Variants in LRRC7 observed in about 807,000 individuals in gnomAD.
LRRC7 encodes the protein leucine rich repeat containing 7, also known as leucine-rich repeat-containing protein 7.
In LRRC7, 23 loss-of-function variants were observed where a neutral mutation model predicts 175.7. The ratio of observed to expected loss-of-function variants is 0.13; its 90% confidence interval spans 0.09 to 0.19. LRRC7 has a LOEUF of 0.19. LRRC7 is among the 10% of genes least tolerant of loss of function. The probability of loss-of-function intolerance (pLI) is 1.00; values close to 1 mark genes in which losing one functional copy is unlikely to be tolerated. For missense variants in LRRC7, 1,354 were observed against 1,904.7 expected, an observed-to-expected ratio of 0.71 and a Z score of 5.38; for synonymous variants, 685 against 680.9, an observed-to-expected ratio of 1.01 and a Z score of -0.09.
In LRRC7 at chr1:70,122,044, G is replaced by T; in HGVS notation, c.*157G>T. The T allele has an allele frequency of 1.9e-6, 1 of 527,956 alleles. No homozygotes were observed. 32.7% of individuals were successfully genotyped at this position (527,956 alleles called of 1,614,324 possible). ...TTAGCACTGACCATCCTTAAAAAATGTTAACTCTATAAATATGATGTTCAT... is the reference window on the plus strand; with the variant it reads ...TTAGCACTGACCATCCTTAAAAAATTTTAACTCTATAAATATGATGTTCAT... On this transcript the variant is annotated 3_prime_UTR_variant, in exon 27 of 27. Transcript: ENST00000651989.
chr1:69,920,956 C>G (rs1646872045), intron 7 of LRRC7, among the ~76,000 whole-genome samples: 1 of 152,142 alleles, frequency 6.6e-6, no homozygotes, highest in South Asian at 2.1e-4. Context: ...CTCATGGGCC[C>G]CAACTATTCC....
At chr1:69,669,763 T>TTCTTTTG (rs1658794946) in intron 1 of LRRC7, among the ~76,000 whole-genome samples, 2 of 152,146 alleles carry the variant, frequency 1.3e-5, no homozygotes, top group Non-Finnish European at 2.9e-5. Flanking sequence ...TTATTCTTCT[T>TTCTTTTG]TCTTTTGTCT....
intron 7 of LRRC7, among the ~76,000 whole-genome samples, chr1:69,848,406 C>T (rs1430158932): frequency 6.6e-6 from 1 of 152,028 alleles, no homozygotes; most frequent in African/African-American, 2.4e-5. Context: ...TCACCAGGCT[C>T]TCTTCTATGA....
At chr1:70,013,446 AT>A (rs1656697681) in intron 13 of LRRC7, among the ~76,000 whole-genome samples, 1 of 151,900 alleles carries the variant, frequency 6.6e-6, no homozygotes, top group South Asian at 2.1e-4. Context: ...CTATGTATGT[AT>A]GTATGCACAC....
chr1:69,783,169 C>T (rs925900295), intron 3 of LRRC7, among the ~76,000 whole-genome samples: 3 of 152,184 alleles, frequency 2.0e-5, no homozygotes, highest in African/African-American at 7.2e-5. Flanking sequence ...ACCTTCCAAT[C>T]TTCCCTACCT....
intron 8 of LRRC7, among the ~76,000 whole-genome samples, chr1:69,971,970 A>T (rs1276987322): frequency 6.6e-6 from 1 of 152,196 alleles, no homozygotes; most frequent in African/African-American, 2.4e-5. Flanking sequence ...ATAAACCCTC[A>T]TACTTACAGC....
chr1:69,705,911 A>G (rs151175010), intron 2 of LRRC7, among the ~76,000 whole-genome samples: 89 of 152,290 alleles, frequency 5.8e-4, no homozygotes, highest in African/African-American at 2.1e-3. Context: ...AAATGCTTCA[A>G]ATATTTTTGA....
Position 70,143,502 on chromosome 1 carries a change from ATT to A in LRRC7, c.*21616_*21617del, listed in dbSNP as rs565428690. 10 of 152,266 alleles carry A rather than the reference ATT, an allele frequency of 6.6e-5. 1 individual carries two copies. The South Asian group carries it at 2.1e-3, about 32-fold the overall frequency. 9.4% of individuals were successfully genotyped at this position (152,266 alleles called of 1,614,324 possible). On this transcript the variant is annotated 3_prime_UTR_variant, in exon 27 of 27. Transcript: ENST00000651989. ...ATGCATGCATTTCACTGCATAGTTT[ATT>A]GACACTACCCTTGTAAAGCTTTTAT...
At position 70,038,279 on chromosome 1, in the gene LRRC7, G is replaced by C; in HGVS notation, c.2455G>C (p.Ala819Pro). ...GCATTATGACAACACAGGGTTTGTTGCTGAGGAAACCACAGCCGAGAATGC... is the reference window on the plus strand; with the variant it reads ...GCATTATGACAACACAGGGTTTGTTCCTGAGGAAACCACAGCCGAGAATGC... ...GSHYDNTGFV[A>P]EETTAENANS... Residue 819 changes from alanine to proline, a missense_variant, in exon 21 of 27, where the codon GCT becomes CCT. Around this residue, in one of 4 missense-constraint regions of LRRC7, gnomAD observed 1,032 missense variants for 1,227.2 expected, o/e 0.84. Transcript: ENST00000651989. The C allele has an allele frequency of 6.2e-7, 1 of 1,614,132 alleles. No individual in the cohort carries two copies. The highest frequency in any genetic ancestry group is 8.5e-7 in the Non-Finnish European group (1 of 1,180,006).
chr1:70,056,476 C>T (rs1191977239), intron 23 of LRRC7, among the ~76,000 whole-genome samples: 2 of 152,076 alleles, frequency 1.3e-5, no homozygotes, highest in African/African-American at 2.4e-5. Context: ...AAATACTTAG[C>T]GTTTTATTTT....
chr1:69,957,005 T>C (rs1398800130), intron 8 of LRRC7, among the ~76,000 whole-genome samples: 1 of 151,058 alleles, frequency 6.6e-6, no homozygotes, highest in Non-Finnish European at 1.5e-5. Context: ...ATTAAAGGTT[T>C]CTACTGATGA....
intron 1 of LRRC7, among the ~76,000 whole-genome samples, chr1:69,587,435 C>T (rs1436564806): frequency 6.6e-6 from 1 of 152,130 alleles, no homozygotes; most frequent in African/African-American, 2.4e-5. Context: ...TGGGGTCCTC[C>T]CATCTTGAGA....
chr1:69,691,354 T>C (rs1661831453), intron 2 of LRRC7, among the ~76,000 whole-genome samples: 1 of 152,208 alleles, frequency 6.6e-6, no homozygotes, highest in South Asian at 2.1e-4. Flanking sequence ...GTTGTTTGCA[T>C]GTCTGTTTCT....
chr1:69,816,279 C>T lies in LRRC7; in HGVS notation c.422-9469C>T, dbSNP rs142496915. On this transcript the variant is annotated intron_variant, in intron 4 of 26. Coordinates refer to ENST00000651989, the MANE Select transcript of LRRC7 (RefSeq NM_001370785.2). ...AGGCGCAAGCCACTGTGCCCAGCCT[C>T]GGGGGCCATTTTAATAAGGGCACTT... 9.0e-3 allele frequency among the ~76,000 whole-genome samples: 1,374 copies of T among 152,200 alleles called. 26 individuals carry two copies. The highest frequency in any genetic ancestry group is 0.031 in the African/African-American group (1,300 of 41,536).
chr1:69,796,866 T>G (rs1013963004), intron 4 of LRRC7, among the ~76,000 whole-genome samples: 2 of 152,122 alleles, frequency 1.3e-5, no homozygotes, highest in African/African-American at 4.8e-5. Flanking sequence ...GAAACTTCCC[T>G]GACACTGTAT....
intron 2 of LRRC7, among the ~76,000 whole-genome samples, chr1:69,738,322 C>T (rs1570575135): frequency 1.3e-5 from 2 of 152,178 alleles, no homozygotes; most frequent in South Asian, 4.1e-4. Flanking sequence ...ATCCCATAAG[C>T]CATGGTCTTG....
intron 1 of LRRC7, among the ~76,000 whole-genome samples, chr1:69,673,623 G>A (rs1189932292): frequency 1.3e-5 from 2 of 152,150 alleles, no homozygotes; most frequent in Admixed American, 1.3e-4. Flanking sequence ...GGTGGTGAAA[G>A]AGTTCAAGTA....
At chr1:69,661,291 T>G (rs1044085891) in intron 1 of LRRC7, among the ~76,000 whole-genome samples, 5 of 152,268 alleles carry the variant, frequency 3.3e-5, no homozygotes, top group Middle Eastern at 3.4e-3. Context: ...AGAACCTATC[T>G]TCCTAAATAA....
At chr1:69,652,336 G>T (rs1655969933) in intron 1 of LRRC7, among the ~76,000 whole-genome samples, 1 of 151,972 alleles carries the variant, frequency 6.6e-6, no homozygotes, top group Non-Finnish European at 1.5e-5. Flanking sequence ...ATTACATTCT[G>T]TACATTAACA....
Sources: gnomAD v4.1 joint callset for allele counts (sites outside exome capture counted in the v4.1 genomes callset) on GRCh38, gnomAD v4.1.1 for gene constraint, gnomAD v4.1.1 regional missense constraint, MANE v1.5 for transcripts, NCBI Gene and HGNC (gene_info 2026-07-23, HGNC 2026-07-21) for gene names.